The following PCSK5 variants were observed in gnomAD, a reference collection of about 807,000 sequenced individuals.
PCSK5 encodes the protein prohormone convertase 5.
Under a neutral mutation model 233.2 loss-of-function variants are expected in PCSK5, and 129 were observed. The ratio of observed to expected loss-of-function variants is 0.55; its 90% confidence interval spans 0.48 to 0.64. PCSK5 has a LOEUF of 0.64. Among genes scored for constraint, PCSK5 ranks in the 30% least tolerant of loss-of-function variants. The probability of loss-of-function intolerance (pLI) is 0.00; values close to 1 mark genes in which losing one functional copy is unlikely to be tolerated. For missense variants in PCSK5, 2,076 were observed against 2,430.1 expected, an observed-to-expected ratio of 0.85 and a Z score of 3.06; for synonymous variants, 825 against 879.2, an observed-to-expected ratio of 0.94 and a Z score of 1.09.
At chr9:76,343,333 T>TGTGTGTGTGTG (rs1564191885) in intron 35 of PCSK5, among the ~76,000 whole-genome samples, 34 of 133,902 alleles carry the variant, frequency 2.5e-4, no homozygotes, top group African/African-American at 6.7e-4. Context: ...CCTGGGTAAT[T>TGTGTGTGTGTG]TGTGTGTGTG....
At chr9:76,035,888 A>G (rs994258047) in intron 5 of PCSK5, among the ~76,000 whole-genome samples, 2 of 152,148 alleles carry the variant, frequency 1.3e-5, no homozygotes, top group African/African-American at 2.4e-5. Flanking sequence ...ATTACTAAAC[A>G]TTGGAGAAGA....
rs1220549680 is a variant in PCSK5, at chr9:75,986,115, A to G, written c.298-17A>G. 1 of 1,454,698 alleles carries G rather than the reference A, an allele frequency of 6.9e-7. No homozygotes were observed. The allele number at this position is 1,454,698 out of a possible 1,614,324, so 90.1% of individuals were successfully genotyped here. ...CCTGATGGAACGTGAATACTCACCA[A>G]ATGTCCTTCTTGACAGGTGGAATGG... is the stretch of plus-strand genomic sequence containing the variant. On this transcript the variant is annotated splice_polypyrimidine_tract_variant and intron_variant, in intron 2 of 37. Transcript: ENST00000674117.
At chr9:76,015,289 G>T (rs1036631772) in intron 3 of PCSK5, among the ~76,000 whole-genome samples, 1 of 152,182 alleles carries the variant, frequency 6.6e-6, no homozygotes, top group African/African-American at 2.4e-5. Flanking sequence ...CACCCACATT[G>T]TGTGGACAGT....
intron 24 of PCSK5, among the ~76,000 whole-genome samples, chr9:76,253,843 C>T (rs957906604): frequency 6.6e-6 from 1 of 152,120 alleles, no homozygotes; most frequent in African/African-American, 2.4e-5. Flanking sequence ...CAACCTTGTG[C>T]ATAACTTTGC....
chr9:76,164,763 G>A (rs1823023926), intron 12 of PCSK5, among the ~76,000 whole-genome samples: 1 of 152,138 alleles, frequency 6.6e-6, no homozygotes, highest in South Asian at 2.1e-4. Flanking sequence ...GCTGGATGCT[G>A]TGCAAGGAAA....
chr9:75,966,041 G>C (rs1187447905), intron 2 of PCSK5, among the ~76,000 whole-genome samples: 4 of 152,204 alleles, frequency 2.6e-5, no homozygotes, highest in East Asian at 1.9e-4. Flanking sequence ...GACAAGTCCA[G>C]TGCAAGGATC....
At chr9:75,910,572 A>G (rs1007445295) in intron 1 of PCSK5, among the ~76,000 whole-genome samples, 1 of 150,820 alleles carries the variant, frequency 6.6e-6, no homozygotes, top group Non-Finnish European at 1.5e-5. Context: ...GTTAGAAAAT[A>G]CAGAGTTCTT....
intron 17 of PCSK5, among the ~76,000 whole-genome samples, chr9:76,187,376 T>G (rs1391553088): frequency 6.6e-6 from 1 of 152,096 alleles, no homozygotes; most frequent in Non-Finnish European, 1.5e-5. Flanking sequence ...TATTGTAATT[T>G]TTTTTTTTAA....
At chr9:76,056,125 G>A (rs908236655) in intron 5 of PCSK5, among the ~76,000 whole-genome samples, 10 of 152,176 alleles carry the variant, frequency 6.6e-5, no homozygotes, top group African/African-American at 2.2e-4. Flanking sequence ...GACAGAATCC[G>A]TGAACACCTG....
chr9:75,929,215 G>A (rs1211774651), intron 1 of PCSK5, among the ~76,000 whole-genome samples: 3 of 152,170 alleles, frequency 2.0e-5, no homozygotes, highest in Admixed American at 6.5e-5. Flanking sequence ...TTACAGGCGT[G>A]AGCCGCCGTG....
chr9:76,280,535 A>T (rs1827831982), intron 24 of PCSK5, among the ~76,000 whole-genome samples: 1 of 152,112 alleles, frequency 6.6e-6, no homozygotes, highest in African/African-American at 2.4e-5. Flanking sequence ...TGAGCCCAGG[A>T]ATTAGAGACC....
chr9:76,013,040 A>G (rs941535569), intron 3 of PCSK5, among the ~76,000 whole-genome samples: 8 of 148,502 alleles, frequency 5.4e-5, no homozygotes, highest in African/African-American at 1.7e-4. Context: ...GGAAAGACCC[A>G]TTTGAAATTC....
rs546292196 is a variant in PCSK5 at position 76,219,676 on chromosome 9, T to A, written c.2627-7827T>A. ...GGCCTGGCAGTGTCGTGCTCACTCA[T>A]GGGAAGCGCTCTCAGCAGCGGCTTC... On this transcript the variant is annotated intron_variant, in intron 20 of 37. Transcript: ENST00000674117. Among the ~76,000 whole-genome samples the A allele has an allele frequency of 2.0e-5, 3 of 152,224 alleles. No homozygotes were observed. In the East Asian group the frequency reaches 5.8e-4, roughly 29 times the overall value.
intron 37 of PCSK5, among the ~76,000 whole-genome samples, chr9:76,354,632 C>A (rs1490797245): frequency 2.0e-5 from 3 of 152,138 alleles, no homozygotes; most frequent in Admixed American, 6.5e-5. Flanking sequence ...AAAAAATTAG[C>A]TGGGCGTGGT....
At chr9:76,017,088 G>C (rs1225758022) in intron 3 of PCSK5, among the ~76,000 whole-genome samples, 1 of 152,150 alleles carries the variant, frequency 6.6e-6, no homozygotes, top group Non-Finnish European at 1.5e-5. Flanking sequence ...TGGTATAAAT[G>C]TGTGGAGTAA....
chr9:76,103,271 A>G (rs1293115348), intron 8 of PCSK5, among the ~76,000 whole-genome samples: 1 of 152,222 alleles, frequency 6.6e-6, no homozygotes, highest in Non-Finnish European at 1.5e-5. Context: ...TCAAATCAAA[A>G]TCAACACCAG....
rs1488775142 is a variant in PCSK5 at position 76,175,009 on chromosome 9, G to A, written c.1780G>A (p.Val594Ile). The A allele has an allele frequency of 3.1e-6, 5 of 1,610,800 alleles. No individual in the cohort carries two copies. Among genetic ancestry groups the A allele is most frequent in the African/African-American group, 2.7e-5 (2 of 74,708 alleles). Residue 594 changes from valine (V) to isoleucine (I), a missense_variant, in exon 14 of 38, where the codon GTC (valine) becomes ATC (isoleucine). Around this residue, in one of 6 missense-constraint regions of PCSK5, gnomAD observed 84 missense variants for 108.8 expected, o/e 0.77. Transcript: ENST00000674117. The part of the protein sequence containing the change: ...TPGKLKEWSL[V>I]LYGTSVQPYS... ...AGGTAAATTGAAAGAATGGTCTTTG[G>A]TCCTCTACGGCACCTCCGTGCAGCC...
chr9:76,214,681 G>A (rs1033896742), intron 20 of PCSK5, among the ~76,000 whole-genome samples: 4 of 152,260 alleles, frequency 2.6e-5, no homozygotes, highest in African/African-American at 4.8e-5. Context: ...GGAGCACTCC[G>A]AACAATTCCT....
At chr9:75,998,314 GCCCTT>G (rs1827111203) in intron 3 of PCSK5, among the ~76,000 whole-genome samples, 1 of 152,158 alleles carries the variant, frequency 6.6e-6, no homozygotes, top group East Asian at 1.9e-4. Flanking sequence ...TGTGTCCCAG[GCCCTT>G]CCACTTAACA....
Sources: allele counts gnomAD v4.1 joint callset (sites outside exome capture counted in the v4.1 genomes callset), GRCh38; gene constraint gnomAD v4.1.1; regional missense constraint gnomAD v4.1.1; transcripts MANE v1.5; gene names NCBI Gene and HGNC (gene_info 2026-07-23, HGNC 2026-07-21).